Variants in KANK4 observed in about 807,000 individuals in gnomAD.
KANK4 encodes the protein KN motif and ankyrin repeat domain-containing protein 4.
KANK4 carries 50 observed loss-of-function variants against 80.8 expected under a neutral mutation model. That is an observed-to-expected ratio of 0.62 (90% CI 0.49 to 0.78). The LOEUF (loss-of-function observed/expected upper bound fraction) is 0.78. Among genes scored for constraint, KANK4 ranks in the 30% least tolerant of loss-of-function variants. KANK4 has a pLI of 0.00. For missense variants in KANK4, 1,196 were observed against 1,240.1 expected, an observed-to-expected ratio of 0.96 and a Z score of 0.53; for synonymous variants, 465 against 506.9, an observed-to-expected ratio of 0.92 and a Z score of 1.11.
rs186696506 is a variant in KANK4 at position 62,301,901 on chromosome 1, A to G, written c.-71+17205T>C. The stretch of plus-strand genomic sequence containing the variant: ...TTCAAGAGCCATCCATTTCCGTGTG[A>G]TCACCACGTGGTTGGGGGTGGGGGG... On this transcript the variant is annotated intron_variant, in intron 1 of 9. Transcript: ENST00000371153. Among the ~76,000 whole-genome samples, 641 of 151,934 alleles carry G rather than the reference A, an allele frequency of 4.2e-3. 9 individuals are homozygous for G. Among genetic ancestry groups the G allele is most frequent in the Non-Finnish European group, 5.7e-3 (387 of 67,976 alleles).
intron 2 of KANK4, among the ~76,000 whole-genome samples, chr1:62,277,202 C>G (rs561701539): frequency 1.1e-4 from 17 of 152,310 alleles, no homozygotes; most frequent in African/African-American, 4.1e-4. Flanking sequence ...GTACAGGCTT[C>G]TTCCCTGACT....
chr1:62,283,128 G>A (rs1221016357), intron 1 of KANK4, among the ~76,000 whole-genome samples: 1 of 152,208 alleles, frequency 6.6e-6, no homozygotes, highest in African/African-American at 2.4e-5. Context: ...AGCAGGCGAT[G>A]CTGGCATGCA....
intron 1 of KANK4, among the ~76,000 whole-genome samples, chr1:62,307,068 C>G (rs572731793): frequency 6.6e-6 from 1 of 152,196 alleles, no homozygotes; most frequent in Non-Finnish European, 1.5e-5. Flanking sequence ...CAGGCCTACC[C>G]GTCATTCCAT....
chr1:62,302,014 G>C lies in KANK4; in HGVS notation c.-71+17092C>G, dbSNP rs1196669804. ...GGAACAGGTAAGAAGGAAGAGCCAG[G>C]ATGGGGTACAGCTCAGAAACACAAA... On this transcript the variant is annotated intron_variant, in intron 1 of 9. Coordinates refer to ENST00000371153, the MANE Select transcript of KANK4 (RefSeq NM_181712.5). Among the ~76,000 whole-genome samples, 3 of 152,078 alleles carry C rather than the reference G, an allele frequency of 2.0e-5. 1 individual carries two copies. The highest frequency in any genetic ancestry group is 2.9e-5 in the Non-Finnish European group (2 of 68,014).
Position 62,271,589 on chromosome 1 carries a change from T to A in KANK4, c.1901A>T (p.Glu634Val). 2 of 1,603,416 alleles carry A rather than the reference T, an allele frequency of 1.2e-6. No homozygotes were observed. The highest frequency in any genetic ancestry group is 1.7e-6 in the Non-Finnish European group (2 of 1,170,284). Residue 634 changes from glutamate to valine, a missense_variant and splice_region_variant, in exon 4 of 10, where the codon GAG becomes GTG. By Grantham distance (121) the Glu-to-Val change is moderately radical. This residue lies in a region of KANK4 where 1,154 missense variants were observed against 1,179.6 expected (regional missense o/e 0.98). Transcript: ENST00000371153. ...TTTAAGGCTGGTCGATGGGGAGATCTCTAGGCAGACACAACATCACAGGTT... is the reference window on the plus strand; with the variant it reads ...TTTAAGGCTGGTCGATGGGGAGATCACTAGGCAGACACAACATCACAGGTT... ...PPASSSSPPV[E>V]ISPSTSLKSI... is the part of the protein sequence containing the mutation.
intron 4 of KANK4, among the ~76,000 whole-genome samples, chr1:62,270,675 C>A (rs758343343): frequency 4.6e-5 from 7 of 152,054 alleles, no homozygotes; most frequent in African/African-American, 1.7e-4. Context: ...TGAGCCACAG[C>A]GACTGGCCCC....
At chr1:62,255,838 C>T (rs1671739417) in intron 7 of KANK4, among the ~76,000 whole-genome samples, 2 of 151,064 alleles carry the variant, frequency 1.3e-5, no homozygotes, top group South Asian at 4.2e-4. Flanking sequence ...TTTATAGAAA[C>T]AGGGTTTCAC....
chr1:62,300,165 A>G (rs1380390950), intron 1 of KANK4, among the ~76,000 whole-genome samples: 1 of 152,170 alleles, frequency 6.6e-6, no homozygotes, highest in African/African-American at 2.4e-5. Flanking sequence ...GACTGCTCAG[A>G]GAAAGAGACC....
At chr1:62,251,066 T>C (rs1671605407) in intron 8 of KANK4, among the ~76,000 whole-genome samples, 1 of 152,224 alleles carries the variant, frequency 6.6e-6, no homozygotes, top group Non-Finnish European at 1.5e-5. Context: ...GCTGTTTATA[T>C]AGTGAACAGC....
chr1:62,299,641 G>A (rs544417423), intron 1 of KANK4, among the ~76,000 whole-genome samples: 12 of 152,276 alleles, frequency 7.9e-5, no homozygotes, highest in Admixed American at 2.6e-4. Flanking sequence ...GATGAGGACC[G>A]TGTCTTCTTT....
chr1:62,274,180 G>A lies in KANK4; in HGVS notation c.924C>T (p.Ser308=), dbSNP rs772180351. The change falls in exon 3 of 10, where the codon AGC becomes AGT. Residue 308 remains serine (S), a synonymous_variant. Transcript: ENST00000371153. ...CTACAGGTGGCGGGGGTGGAATCTC[G>A]CTGATGTTGAGCTCGATTTCTTCCA... ...LLLEEIELNI[S]EIPPPPPVEV... is the part of the protein sequence containing the mutation. 1.7e-5 allele frequency: 28 copies of A among 1,614,142 alleles called. No individual in the cohort carries two copies. The highest frequency in any genetic ancestry group is 5.0e-5 in the Admixed American group (3 of 60,020).
At chr1:62,261,883 C>T (rs960425493) in intron 7 of KANK4, among the ~76,000 whole-genome samples, 5 of 152,246 alleles carry the variant, frequency 3.3e-5, no homozygotes, top group Admixed American at 6.5e-5. Context: ...GCACCTTTGC[C>T]GCTCCCTGAA....
chr1:62,286,280 G>C (rs546488409), intron 1 of KANK4, among the ~76,000 whole-genome samples: 284 of 152,338 alleles, frequency 1.9e-3, no homozygotes, highest in Non-Finnish European at 3.3e-3. Context: ...CGGCTGCAGG[G>C]CCGGAGCTGA....
At chr1:62,302,062 G>A (rs1644416201) in intron 1 of KANK4, among the ~76,000 whole-genome samples, 1 of 152,056 alleles carries the variant, frequency 6.6e-6, no homozygotes, top group South Asian at 2.1e-4. Context: ...TGAGAAGACT[G>A]TTCTATGATG....
chr1:62,298,357 C>T (rs1456559399), intron 1 of KANK4: 6 of 152,196 alleles, frequency 3.9e-5, no homozygotes, highest in African/African-American at 1.2e-4. Context: ...CTTTGGTAAA[C>T]TGTAGTTCAT....
chr1:62,308,289 G>A (rs907808252), intron 1 of KANK4, among the ~76,000 whole-genome samples: 8 of 152,184 alleles, frequency 5.3e-5, no homozygotes, highest in South Asian at 2.1e-4. Context: ...TCACACAGGC[G>A]CCTGCATGGA....
intron 1 of KANK4, among the ~76,000 whole-genome samples, chr1:62,310,118 T>A (rs1181751516): frequency 6.6e-6 from 1 of 152,120 alleles, no homozygotes; most frequent in Non-Finnish European, 1.5e-5. Context: ...TTGTCCAAAA[T>A]ATCAGTCACT....
chr1:62,302,528 C>T lies in KANK4; in HGVS notation c.-71+16578G>A, dbSNP rs115780244. On this transcript the variant is annotated intron_variant, in intron 1 of 9. Coordinates refer to ENST00000371153, the MANE Select transcript of KANK4 (RefSeq NM_181712.5). Reference sequence around the variant, plus strand: ...CCCTCTAAAATTCGTATGTTGAAATCCTAACCCCCAATGTGATGGTATTAG... The same window carrying T: ...CCCTCTAAAATTCGTATGTTGAAATTCTAACCCCCAATGTGATGGTATTAG... Among the ~76,000 whole-genome samples the T allele has an allele frequency of 7.8e-3, 1,190 of 152,116 alleles. 7 individuals carry two copies. The highest frequency in any genetic ancestry group is 0.027 in the African/African-American group (1,128 of 41,532).
At chr1:62,278,398 T>TCTC (rs1557493617) in intron 2 of KANK4, among the ~76,000 whole-genome samples, 3 of 67,712 alleles carry the variant, frequency 4.4e-5, no homozygotes, top group African/African-American at 2.8e-4. Flanking sequence ...TCTTTCTTTC[T>TCTC]TTTTTTTTTT....
Sources: allele counts gnomAD v4.1 joint callset (sites outside exome capture counted in the v4.1 genomes callset), GRCh38; gene constraint gnomAD v4.1.1; regional missense constraint gnomAD v4.1.1; transcripts MANE v1.5; gene names NCBI Gene and HGNC (gene_info 2026-07-23, HGNC 2026-07-21).